PCDH9: variants seen among roughly 807,000 people sequenced by gnomAD.
The protein encoded by PCDH9 is protocadherin-9.
Under a neutral mutation model 70.6 loss-of-function variants are expected in PCDH9, and 24 were observed. That is an observed-to-expected ratio of 0.34 (90% CI 0.25 to 0.48). PCDH9 has a LOEUF of 0.48. Among genes scored for constraint, PCDH9 ranks in the 20% least tolerant of loss-of-function variants. PCDH9 has a pLI of 0.99. For synonymous variants in PCDH9, 562 were observed against 558.5 expected (o/e 1.01, Z -0.09); for missense variants, 1,281 against 1,503.6 (o/e 0.85, Z 2.45).
At chr13:67,092,886 C>T (rs1489205680) in intron 2 of PCDH9, among the ~76,000 whole-genome samples, 2 of 151,722 alleles carry the variant, frequency 1.3e-5, no homozygotes, top group Admixed American at 1.3e-4. Context: ...GCCCAGCCAG[C>T]CATCAGATTC....
intron 3 of PCDH9, among the ~76,000 whole-genome samples, chr13:66,666,097 G>T (rs953958736): frequency 6.6e-6 from 1 of 152,238 alleles, no homozygotes; most frequent in Non-Finnish European, 1.5e-5. Context: ...ATGCCACTGT[G>T]TGTGAATGCA....
At chr13:66,398,978 T>A (rs1957146509) in intron 4 of PCDH9, among the ~76,000 whole-genome samples, 1 of 152,186 alleles carries the variant, frequency 6.6e-6, no homozygotes, top group Non-Finnish European at 1.5e-5. Flanking sequence ...GGGAAAAAGC[T>A]TTGTATTTGG....
intron 3 of PCDH9, among the ~76,000 whole-genome samples, chr13:66,883,482 G>A (rs1051207490): frequency 6.6e-6 from 1 of 151,968 alleles, no homozygotes; most frequent in Non-Finnish European, 1.5e-5. Flanking sequence ...TATTTCATTT[G>A]CTGACTGAAG....
chr13:66,684,037 T>C (rs764465872), intron 3 of PCDH9, among the ~76,000 whole-genome samples: 3 of 152,218 alleles, frequency 2.0e-5, no homozygotes, highest in Non-Finnish European at 2.9e-5. Flanking sequence ...ATGTTTCTTA[T>C]AGTTGTACTA....
intron 3 of PCDH9, among the ~76,000 whole-genome samples, chr13:66,706,509 T>C (rs1315248529): frequency 3.9e-5 from 6 of 152,200 alleles, no homozygotes; most frequent in Non-Finnish European, 8.8e-5. Flanking sequence ...ACCTGGTAAA[T>C]ATTACATGCT....
At chr13:66,743,682 A>C (rs1419520745) in intron 3 of PCDH9, among the ~76,000 whole-genome samples, 1 of 150,642 alleles carries the variant, frequency 6.6e-6, no homozygotes, top group Non-Finnish European at 1.5e-5. Context: ...TGAGTAACAC[A>C]TATGTTAAAT....
intron 4 of PCDH9, among the ~76,000 whole-genome samples, chr13:66,384,667 A>G (rs548205362): frequency 5.8e-4 from 88 of 152,034 alleles, no homozygotes; most frequent in Non-Finnish European, 2.2e-4. Flanking sequence ...AATTTTACTT[A>G]TTTATTTACT....
chr13:67,152,557 A>T (rs768996953), intron 2 of PCDH9, among the ~76,000 whole-genome samples: 18 of 152,220 alleles, frequency 1.2e-4, no homozygotes, highest in Middle Eastern at 3.2e-3. Context: ...GACATAGCTG[A>T]CCTACACATC....
intron 3 of PCDH9, among the ~76,000 whole-genome samples, chr13:66,860,612 T>C (rs1221622552): frequency 6.6e-6 from 1 of 152,226 alleles, no homozygotes; most frequent in African/African-American, 2.4e-5. Context: ...TCTAAAGATA[T>C]CAGCATGCAA....
At position 66,720,021 on chromosome 13, in the gene PCDH9, T is replaced by A. The variant is rs2139150537; in HGVS notation, c.3139-88610A>T. On this transcript the variant is annotated intron_variant, in intron 3 of 4. Coordinates refer to ENST00000377865, the MANE Select transcript of PCDH9 (RefSeq NM_203487.3). ...TCCTTCTACTACTACAACATTCAGA[T>A]TAACTGTTGATCACCCAGCTACCAT... Among the ~76,000 whole-genome samples, 3 of 152,322 alleles carry A rather than the reference T, an allele frequency of 2.0e-5. No individual in the cohort carries two copies. In the South Asian group the frequency reaches 6.2e-4, roughly 32 times the overall value.
chr13:66,888,106 A>G (rs1420991772), intron 3 of PCDH9, among the ~76,000 whole-genome samples: 4 of 152,208 alleles, frequency 2.6e-5, no homozygotes, highest in African/African-American at 9.6e-5. Flanking sequence ...ACTCACTTGC[A>G]TCTCAGTGAG....
chr13:66,712,961 A>G (rs1433848238), intron 3 of PCDH9, among the ~76,000 whole-genome samples: 1 of 152,206 alleles, frequency 6.6e-6, no homozygotes, highest in Non-Finnish European at 1.5e-5. Flanking sequence ...AGATCATCCA[A>G]CAACTTGAGC....
At chr13:67,032,403 A>G (rs1481332515) in intron 2 of PCDH9, among the ~76,000 whole-genome samples, 1 of 151,840 alleles carries the variant, frequency 6.6e-6, no homozygotes, top group Non-Finnish European at 1.5e-5. Flanking sequence ...AACTCAAGCC[A>G]TTTGCCATCC....
intron 4 of PCDH9, among the ~76,000 whole-genome samples, chr13:66,562,793 G>C (rs1360238942): frequency 2.0e-5 from 3 of 152,056 alleles, no homozygotes; most frequent in Non-Finnish European, 2.9e-5. Context: ...TGGATGGAGA[G>C]TCATGAAATG....
intron 2 of PCDH9, among the ~76,000 whole-genome samples, chr13:67,076,856 A>G (rs1172369151): frequency 6.6e-6 from 1 of 152,136 alleles, no homozygotes; most frequent in Non-Finnish European, 1.5e-5. Context: ...AACATAACAC[A>G]TATGTTTATT....
At chr13:66,687,993 C>A (rs1322620016) in intron 3 of PCDH9, among the ~76,000 whole-genome samples, 1 of 152,038 alleles carries the variant, frequency 6.6e-6, no homozygotes, top group Non-Finnish European at 1.5e-5. Context: ...CCTATGCTTT[C>A]CTTTCTCCTT....
At chr13:66,610,341 G>A (rs1012657235) in intron 4 of PCDH9, among the ~76,000 whole-genome samples, 1 of 151,952 alleles carries the variant, frequency 6.6e-6, no homozygotes, top group Non-Finnish European at 1.5e-5. Flanking sequence ...GAAAGTACAG[G>A]GCCAGTGTCA....
Position 67,000,503 on chromosome 13 carries a change from A to T in PCDH9, c.3037-96898T>A, listed in dbSNP as rs1379733268. Among the ~76,000 whole-genome samples the T allele has an allele frequency of 2.6e-5, 4 of 152,024 alleles. No individual in the cohort carries two copies. In the South Asian group the frequency reaches 6.2e-4, roughly 24 times the overall value. On this transcript the variant is annotated intron_variant, in intron 2 of 4. Transcript: ENST00000377865. Reference sequence around the variant, plus strand: ...TAATAATAATAAAATAAAATAAAAAAAAGACTTTATAGAAAAACTGTTAAA... The same window carrying T: ...TAATAATAATAAAATAAAATAAAAATAAGACTTTATAGAAAAACTGTTAAA...
At chr13:66,505,488 T>C (rs1367014398) in intron 4 of PCDH9, among the ~76,000 whole-genome samples, 3 of 151,690 alleles carry the variant, frequency 2.0e-5, no homozygotes, top group Non-Finnish European at 4.4e-5. Flanking sequence ...GTGGGGATTA[T>C]TACAATGCAA....
Sources: allele counts gnomAD v4.1 joint callset (sites outside exome capture counted in the v4.1 genomes callset), GRCh38; gene constraint gnomAD v4.1.1; transcripts MANE v1.5; gene names NCBI Gene and HGNC (gene_info 2026-07-23, HGNC 2026-07-21).